RAPGEF1: variants seen among roughly 807,000 people sequenced by gnomAD.
RAPGEF1 encodes Rap guanine nucleotide exchange factor 1.
RAPGEF1 carries 33 observed loss-of-function variants against 143.3 expected under a neutral mutation model. The ratio of observed to expected loss-of-function variants is 0.23; its 90% CI spans 0.17 to 0.31. The LOEUF is 0.31. RAPGEF1 is among the 10% of genes least tolerant of loss of function. The pLI is 1.00. For missense variants in RAPGEF1, 1,199 were observed against 1,645.4 expected (o/e 0.73, Z 4.69); for synonymous variants, 629 against 676.5 (o/e 0.93, Z 1.09).
intron 7 of RAPGEF1, 23 bp downstream of exon 7, chr9:131,629,079 T>G: frequency 6.2e-7 from 1 of 1,606,518 alleles, no homozygotes; most frequent in Non-Finnish European, 8.5e-7. Context: ...TGGGAGGCAC[T>G]GGACAAATAG....
chr9:131,624,798 A>G (rs1962437324), intron 10 of RAPGEF1, among the ~76,000 whole-genome samples: 1 of 152,212 alleles, frequency 6.6e-6, no homozygotes, highest in Admixed American at 6.5e-5. Flanking sequence ...AATATACACG[A>G]CAGATGGGGA....
intron 1 of RAPGEF1, chr9:131,737,536 A>C: frequency 6.2e-7 from 1 of 1,609,438 alleles, no homozygotes; most frequent in African/African-American, 1.3e-5. Flanking sequence ...TGCCCAGAAA[A>C]GGCCCAAGGA....
intron 9 of RAPGEF1, 37 bp from the exon 10 acceptor site, chr9:131,626,459 C>T: frequency 1.3e-6 from 2 of 1,524,064 alleles, no homozygotes; most frequent in Non-Finnish European, 1.8e-6. Flanking sequence ...ACCCGTTAGC[C>T]ACAGGCCCTG....
At chr9:131,677,941 C>G (rs1367247555) in intron 1 of RAPGEF1, among the ~76,000 whole-genome samples, 2 of 152,316 alleles carry the variant, frequency 1.3e-5, no homozygotes, top group East Asian at 3.8e-4. Flanking sequence ...TGAGTAGAAG[C>G]AGAAATCAGA....
At chr9:131,582,123 G>A (rs574558995) in intron 25 of RAPGEF1, among the ~76,000 whole-genome samples, 2 of 152,228 alleles carry the variant, frequency 1.3e-5, no homozygotes, top group African/African-American at 2.4e-5. Flanking sequence ...CATGGTCCAC[G>A]CTCAGGAAGC....
In RAPGEF1 at chr9:131,632,168, G is replaced by A. The variant is rs1294360886; in HGVS notation, c.652-1844C>T. ...TTTTGAGACAGAGTCTCGCTCTGTC[G>A]CCCAGGCTGGAGTGCAGTGGTGCGA... On this transcript the variant is annotated intron_variant, in intron 5 of 26. Coordinates refer to ENST00000683357, the MANE Select transcript of RAPGEF1 (RefSeq NM_001377935.1). 2.0e-5 allele frequency among the ~76,000 whole-genome samples: 3 copies of A among 150,860 alleles called. No homozygotes were observed. In the South Asian group the frequency reaches 6.3e-4, roughly 31 times the overall value.
chr9:131,610,212 A>G (rs1957820380), intron 12 of RAPGEF1, among the ~76,000 whole-genome samples: 1 of 152,198 alleles, frequency 6.6e-6, no homozygotes, highest in South Asian at 2.1e-4. Flanking sequence ...CAGATCTTTA[A>G]AGGAACAATT....
chr9:131,605,747 T>TTTTC (rs893124928), intron 12 of RAPGEF1, among the ~76,000 whole-genome samples: 3 of 142,706 alleles, frequency 2.1e-5, no homozygotes, highest in African/African-American at 5.3e-5. Context: ...TACCCCATTT[T>TTTTC]TTTCTTTCTT....
intron 1 of RAPGEF1, chr9:131,737,430 C>T (rs1269244405): frequency 5.0e-6 from 8 of 1,613,894 alleles, no homozygotes; most frequent in East Asian, 2.2e-5. Context: ...CACGGTCGCT[C>T]GGTCTGGCAG....
chr9:131,655,383 G>A lies in RAPGEF1; in HGVS notation c.62-4434C>T, dbSNP rs1972174655. Reference sequence around the variant, plus strand: ...CTAGCTCACCTGGAACAGCTCAACAGGGTCAGGAGGCTCTCAACACCAGCC... The same window carrying A: ...CTAGCTCACCTGGAACAGCTCAACAAGGTCAGGAGGCTCTCAACACCAGCC... On this transcript the variant is annotated intron_variant, in intron 1 of 26. Transcript: ENST00000683357. This position sits in a 1 kb window ranked among gnomAD's most constrained non-coding sequence, Gnocchi z 4.1. 6.6e-6 allele frequency among the ~76,000 whole-genome samples: 1 copy of A among 152,208 alleles called. No individual in the cohort carries two copies. The highest frequency in any genetic ancestry group is 2.4e-5 in the African/African-American group (1 of 41,444).
At chr9:131,592,908 C>T (rs1330870572) in intron 17 of RAPGEF1, among the ~76,000 whole-genome samples, 4 of 152,168 alleles carry the variant, frequency 2.6e-5, no homozygotes, top group South Asian at 2.1e-4. Flanking sequence ...CGCGCCACTA[C>T]GCCTGGCTGA....
At chr9:131,721,973 T>C (rs1203683401) in intron 1 of RAPGEF1, among the ~76,000 whole-genome samples, 2 of 152,222 alleles carry the variant, frequency 1.3e-5, no homozygotes, top group African/African-American at 4.8e-5. Flanking sequence ...TTGGATACTG[T>C]AGTTTTTCAC....
intron 1 of RAPGEF1, among the ~76,000 whole-genome samples, chr9:131,671,221 T>C (rs552763369): frequency 6.6e-6 from 1 of 152,318 alleles, no homozygotes; most frequent in South Asian, 2.1e-4. Context: ...CTGTATCCTC[T>C]AAGTCTCCTG....
chr9:131,726,101 A>G (rs1836650595), intron 1 of RAPGEF1, among the ~76,000 whole-genome samples: 1 of 151,914 alleles, frequency 6.6e-6, no homozygotes, highest in African/African-American at 2.4e-5. Flanking sequence ...ATCTTTGTCT[A>G]TTTCTAGCAA....
Position 131,682,471 on chromosome 9 carries a change from G to A in RAPGEF1, c.62-31522C>T, listed in dbSNP as rs377028052. Among the ~76,000 whole-genome samples the A allele has an allele frequency of 4.6e-5, 7 of 152,330 alleles. No individual in the cohort carries two copies. In the South Asian group the frequency reaches 6.2e-4, roughly 14 times the overall value. On this transcript the variant is annotated intron_variant, in intron 1 of 26. Coordinates refer to ENST00000683357, the MANE Select transcript of RAPGEF1 (RefSeq NM_001377935.1). ...GAACCTCCGCAAAAGGTTCCAACAG[G>A]AGTCTGTGGACCCTTGCCAGTGGGG...
chr9:131,677,435 G>C (rs1031915777), intron 1 of RAPGEF1, among the ~76,000 whole-genome samples: 2 of 152,144 alleles, frequency 1.3e-5, no homozygotes, highest in South Asian at 4.1e-4. Context: ...ATTTCTAGAA[G>C]GAAATATAGA....
chr9:131,585,015 CACGAGGGAAGGAA>C (rs1564449209), intron 22 of RAPGEF1, among the ~76,000 whole-genome samples: 1 of 152,144 alleles, frequency 6.6e-6, no homozygotes, highest in Non-Finnish European at 1.5e-5. Flanking sequence ...CTTGGGCAGC[CACGAGGGAAGGAA>C]ACTCTCAGAA....
chr9:131,658,148 C>T (rs1264195065), intron 1 of RAPGEF1, among the ~76,000 whole-genome samples: 4 of 152,306 alleles, frequency 2.6e-5, no homozygotes, highest in East Asian at 3.9e-4. Context: ...AAGAGCAGAA[C>T]GGCTGGATTG....
At chr9:131,737,293 T>C in intron 1 of RAPGEF1, 1 of 1,555,518 alleles carries the variant, frequency 6.4e-7, no homozygotes, top group Non-Finnish European at 8.9e-7. Flanking sequence ...TCTCTCCTCT[T>C]TCTCCCTGTC....
Sources: gnomAD v4.1 joint callset for allele counts (sites outside exome capture counted in the v4.1 genomes callset) on GRCh38, gnomAD v4.1.1 for gene constraint, Gnocchi (gnomAD v3.1) non-coding constraint, MANE v1.5 for transcripts, NCBI Gene and HGNC (gene_info 2026-07-23, HGNC 2026-07-21) for gene names.